Variants in GRM7 observed in about 807,000 individuals in gnomAD.
GRM7 encodes the protein metabotropic glutamate receptor 7.
A neutral mutation model predicts 84.5 loss-of-function variants in GRM7; 35 were observed. That is an observed-to-expected ratio of 0.41 (90% CI 0.32 to 0.55). The LOEUF is 0.55. GRM7 is among the 20% of genes least tolerant of loss of function. GRM7 has a pLI of 0.19. For missense variants in GRM7, 1,003 were observed against 1,194.6 expected, an observed-to-expected ratio of 0.84 and a Z score of 2.36; for synonymous variants, 487 against 455.1, an observed-to-expected ratio of 1.07 and a Z score of -0.89.
intron 7 of GRM7, among the ~76,000 whole-genome samples, chr3:7,468,430 G>A (rs1377884939): frequency 6.6e-6 from 1 of 152,108 alleles, no homozygotes; most frequent in African/African-American, 2.4e-5. Context: ...TGTAAAGCAG[G>A]CTTATGGTAG....
intron 7 of GRM7, among the ~76,000 whole-genome samples, chr3:7,547,177 C>A (rs1183451325): frequency 6.6e-6 from 1 of 150,694 alleles, no homozygotes; most frequent in Non-Finnish European, 1.5e-5. Flanking sequence ...CTCAGCACAG[C>A]CCCCAGAGAG....
intron 1 of GRM7, among the ~76,000 whole-genome samples, chr3:6,934,146 T>G (rs1219357414): frequency 6.6e-6 from 1 of 152,146 alleles, no homozygotes; most frequent in East Asian, 1.9e-4. Context: ...ATGTCTAGAT[T>G]AATTATAATC....
chr3:6,904,314 G>A (rs1033548123), intron 1 of GRM7, among the ~76,000 whole-genome samples: 31 of 152,046 alleles, frequency 2.0e-4, no homozygotes, highest in Non-Finnish European at 1.8e-4. Flanking sequence ...TGTATTTATA[G>A]TATTTAGTAG....
intron 1 of GRM7, among the ~76,000 whole-genome samples, chr3:6,880,316 A>G (rs1036286132): frequency 6.6e-6 from 1 of 152,166 alleles, no homozygotes; most frequent in African/African-American, 2.4e-5. Context: ...GCAATTACAT[A>G]ATTATACAAC....
rs1025734193 is a variant in GRM7, at chr3:7,467,148, C to T, written c.1515+5426C>T. Among the ~76,000 whole-genome samples, 9 of 152,226 alleles carry T rather than the reference C, an allele frequency of 5.9e-5. No individual in the cohort carries two copies. The South Asian group carries it at 1.5e-3, about 25-fold the overall frequency. Reference sequence around the variant, plus strand: ...TGTCGCCCGGGCTGGAGTGCAGTGGCGCGATCTTGGCTCACTGCAACCTCC... The same window carrying T: ...TGTCGCCCGGGCTGGAGTGCAGTGGTGCGATCTTGGCTCACTGCAACCTCC... On this transcript the variant is annotated intron_variant, in intron 7 of 9. Transcript: ENST00000357716.
At chr3:7,253,925 C>T (rs1040876318) in intron 2 of GRM7, among the ~76,000 whole-genome samples, 4 of 152,108 alleles carry the variant, frequency 2.6e-5, no homozygotes, top group African/African-American at 7.2e-5. Context: ...TTAGTGCTGC[C>T]GAGTGTAAGG....
intron 4 of GRM7, among the ~76,000 whole-genome samples, chr3:7,344,056 A>T (rs765380736): frequency 2.6e-5 from 4 of 152,054 alleles, no homozygotes; most frequent in Non-Finnish European, 1.5e-5. Context: ...ATAAAAAGAT[A>T]TACATACCTT....
chr3:7,043,508 A>G (rs916541827), intron 1 of GRM7, among the ~76,000 whole-genome samples: 3 of 152,204 alleles, frequency 2.0e-5, no homozygotes, highest in Admixed American at 2.0e-4. Flanking sequence ...CCTGATATCT[A>G]AAGTCTTGAA....
At chr3:7,653,702 T>C (rs1699057673) in intron 8 of GRM7, among the ~76,000 whole-genome samples, 1 of 152,158 alleles carries the variant, frequency 6.6e-6, no homozygotes. Flanking sequence ...ATTAAGTGGA[T>C]GGTGCATGTT....
intron 1 of GRM7, among the ~76,000 whole-genome samples, chr3:7,143,212 C>T (rs756500653): frequency 2.0e-4 from 30 of 152,074 alleles, no homozygotes; most frequent in African/African-American, 5.8e-4. Flanking sequence ...AGTAGTAGCA[C>T]GCAAAATAAT....
At chr3:6,886,444 T>C (rs1273117779) in intron 1 of GRM7, among the ~76,000 whole-genome samples, 1 of 152,080 alleles carries the variant, frequency 6.6e-6, no homozygotes, top group Admixed American at 6.6e-5. Flanking sequence ...TGTATACCTA[T>C]GTAACAAACT....
At chr3:6,924,414 T>C (rs988014464) in intron 1 of GRM7, among the ~76,000 whole-genome samples, 17 of 152,204 alleles carry the variant, frequency 1.1e-4, no homozygotes, top group Non-Finnish European at 2.4e-4. Context: ...GGAGAATCTC[T>C]TGGGGAACTT....
intron 1 of GRM7, among the ~76,000 whole-genome samples, chr3:6,943,791 A>T (rs1697969132): frequency 1.3e-5 from 2 of 152,074 alleles, no homozygotes. Context: ...TGTCTTCTAA[A>T]CAATTCTGAG....
intron 9 of GRM7, among the ~76,000 whole-genome samples, chr3:7,734,252 G>T (rs1028868715): frequency 9.1e-6 from 1 of 110,152 alleles, no homozygotes; most frequent in African/African-American, 3.6e-5. Flanking sequence ...AGGGGCGGGG[G>T]GGGGGTTTCC....
chr3:6,994,515 A>G (rs1293819280), intron 1 of GRM7, among the ~76,000 whole-genome samples: 2 of 152,176 alleles, frequency 1.3e-5, no homozygotes, highest in Non-Finnish European at 2.9e-5. Flanking sequence ...AACTGACCCT[A>G]TGAGTAGTTA....
chr3:7,072,260 A>G (rs1350898805), intron 1 of GRM7, among the ~76,000 whole-genome samples: 1 of 152,170 alleles, frequency 6.6e-6, no homozygotes, highest in East Asian at 1.9e-4. Context: ...TAGAAAGGAC[A>G]TCTGTCATAC....
At chr3:6,869,250 G>C (rs1216323124) in intron 1 of GRM7, among the ~76,000 whole-genome samples, 1 of 152,010 alleles carries the variant, frequency 6.6e-6, no homozygotes, top group Admixed American at 6.6e-5. Context: ...GTCTGACGTT[G>C]ATCAAAAAGG....
intron 2 of GRM7, 70 bp from the exon 3 acceptor site, chr3:7,298,614 C>T: frequency 7.5e-7 from 1 of 1,336,034 alleles, no homozygotes. Context: ...TCCTCCTCAT[C>T]TACCTTCCTT....
chr3:7,420,737 T>C (rs185221938), intron 5 of GRM7, among the ~76,000 whole-genome samples: 55 of 152,276 alleles, frequency 3.6e-4, no homozygotes, highest in Middle Eastern at 3.4e-3. Context: ...TTAAGAATCT[T>C]TGCTGGTTAA....
Sources: allele counts gnomAD v4.1 joint callset (sites outside exome capture counted in the v4.1 genomes callset), GRCh38; gene constraint gnomAD v4.1.1; transcripts MANE v1.5; gene names NCBI Gene and HGNC (gene_info 2026-07-23, HGNC 2026-07-21).